TCF7L2: variants seen among roughly 807,000 people sequenced by gnomAD.
TCF7L2 encodes the protein transcription factor 7-like 2.
Under a neutral mutation model 77.9 loss-of-function variants are expected in TCF7L2, and 23 were observed. That is an observed-to-expected ratio of 0.30 (90% CI 0.21 to 0.42). TCF7L2 has a LOEUF of 0.42. TCF7L2 is among the 10% of genes least tolerant of loss of function. TCF7L2 has a pLI of 1.00. For missense variants in TCF7L2, 654 were observed against 793.1 expected (o/e 0.82, Z 2.11); for synonymous variants, 413 against 340.2 (o/e 1.21, Z -2.36).
At chr10:113,072,478 C>A (rs748289802) in intron 5 of TCF7L2, among the ~76,000 whole-genome samples, 8 of 152,188 alleles carry the variant, frequency 5.3e-5, no homozygotes, top group Non-Finnish European at 1.2e-4. Flanking sequence ...CCTCAGCCTC[C>A]TGAGTAGCTG....
At chr10:113,023,210 C>T (rs940003093) in intron 4 of TCF7L2, among the ~76,000 whole-genome samples, 3 of 152,154 alleles carry the variant, frequency 2.0e-5, no homozygotes, top group Admixed American at 6.5e-5. Flanking sequence ...TGGCTTTGTG[C>T]CCCGGTGTCT....
chr10:113,108,511 GA>G (rs2062703474), intron 5 of TCF7L2, among the ~76,000 whole-genome samples: 1 of 152,166 alleles, frequency 6.6e-6, no homozygotes, highest in African/African-American at 2.4e-5. Context: ...TCAGTATTAA[GA>G]AAAGGAGTAG....
intron 5 of TCF7L2, among the ~76,000 whole-genome samples, chr10:113,124,336 C>CA (rs912514500): frequency 1.1e-4 from 16 of 152,182 alleles, no homozygotes; most frequent in African/African-American, 3.6e-4. Flanking sequence ...ATTAGAAGGC[C>CA]AGTAGGGTGG....
At chr10:113,114,031 T>A (rs1010033953) in intron 5 of TCF7L2, among the ~76,000 whole-genome samples, 2 of 152,144 alleles carry the variant, frequency 1.3e-5, no homozygotes, top group African/African-American at 4.8e-5. Context: ...TAAGGCCCCC[T>A]CTAATCCTGT....
chr10:113,091,550 C>G (rs1192383859), intron 5 of TCF7L2, among the ~76,000 whole-genome samples: 1 of 152,110 alleles, frequency 6.6e-6, no homozygotes, highest in East Asian at 1.9e-4. Flanking sequence ...AACCCCGTCT[C>G]TACTAAAAAT....
At chr10:113,055,764 A>G (rs1018350134) in intron 5 of TCF7L2, among the ~76,000 whole-genome samples, 1 of 152,206 alleles carries the variant, frequency 6.6e-6, no homozygotes, top group African/African-American at 2.4e-5. Context: ...TTTGAAAGAA[A>G]GAAGTTTTAA....
intron 4 of TCF7L2, among the ~76,000 whole-genome samples, chr10:112,966,360 T>C (rs138203604): frequency 6.6e-6 from 1 of 151,916 alleles, no homozygotes; most frequent in Non-Finnish European, 1.5e-5. Flanking sequence ...AATTGTTCTT[T>C]TTGGCATGCT....
intron 4 of TCF7L2, among the ~76,000 whole-genome samples, chr10:112,965,054 G>A (rs1286894030): frequency 6.6e-6 from 1 of 152,082 alleles, no homozygotes; most frequent in African/African-American, 2.4e-5. Context: ...GGCTTAAGGG[G>A]AGAGGTGGGA....
chr10:112,995,224 T>C (rs1296547134), intron 4 of TCF7L2, among the ~76,000 whole-genome samples: 3 of 152,184 alleles, frequency 2.0e-5, no homozygotes, highest in East Asian at 1.9e-4. Flanking sequence ...AAGGAAACTT[T>C]GGGATGATTG....
intron 5 of TCF7L2, among the ~76,000 whole-genome samples, chr10:113,051,308 G>A (rs2054441262): frequency 6.6e-6 from 1 of 151,976 alleles, no homozygotes; most frequent in Admixed American, 6.6e-5. Context: ...GGTAAAATGG[G>A]TGAGGCGGAA....
intron 4 of TCF7L2, among the ~76,000 whole-genome samples, chr10:112,980,358 T>G (rs2040247843): frequency 6.6e-6 from 1 of 152,174 alleles, no homozygotes; most frequent in African/African-American, 2.4e-5. Flanking sequence ...CAGAGAGGAA[T>G]TTTTGTCCTT....
chr10:113,116,711 CTT>C (rs966701345), intron 5 of TCF7L2, among the ~76,000 whole-genome samples: 2 of 131,868 alleles, frequency 1.5e-5, no homozygotes, highest in Admixed American at 1.7e-4. Context: ...GTTAAATAGT[CTT>C]TCCTTATAAA....
At chr10:113,023,213 C>T (rs535103274) in intron 4 of TCF7L2, among the ~76,000 whole-genome samples, 45 of 152,244 alleles carry the variant, frequency 3.0e-4, no homozygotes, top group African/African-American at 1.0e-3. Context: ...CTTTGTGCCC[C>T]GGTGTCTGCA....
intron 4 of TCF7L2, among the ~76,000 whole-genome samples, chr10:112,981,309 A>T (rs1304454234): frequency 5.8e-5 from 1 of 17,268 alleles, no homozygotes; most frequent in Non-Finnish European, 1.1e-4. Flanking sequence ...ACCCGTCCTC[A>T]AAAAAAAAAA....
intron 5 of TCF7L2, among the ~76,000 whole-genome samples, chr10:113,063,604 G>A (rs971056811): frequency 6.6e-6 from 1 of 152,096 alleles, no homozygotes; most frequent in Non-Finnish European, 1.5e-5. Flanking sequence ...ACTTGACACC[G>A]GATGGGACAT....
intron 4 of TCF7L2, among the ~76,000 whole-genome samples, chr10:112,967,972 A>G (rs1302606632): frequency 6.6e-6 from 1 of 152,228 alleles, no homozygotes; most frequent in Non-Finnish European, 1.5e-5. Flanking sequence ...CATTGTTTTA[A>G]AATTCTATTG....
chr10:113,114,224 T>G (rs1212229095), intron 5 of TCF7L2, among the ~76,000 whole-genome samples: 1 of 152,220 alleles, frequency 6.6e-6, no homozygotes, highest in African/African-American at 2.4e-5. Context: ...GGCATTTATT[T>G]TGTAGCATTT....
chr10:113,076,829 T>A (rs963140405), intron 5 of TCF7L2, among the ~76,000 whole-genome samples: 2 of 152,216 alleles, frequency 1.3e-5, no homozygotes, highest in African/African-American at 4.8e-5. Flanking sequence ...GAAAATTATA[T>A]GGACACATCT....
At chr10:112,992,726 T>C (rs2135492934) in intron 4 of TCF7L2, among the ~76,000 whole-genome samples, 1 of 151,968 alleles carries the variant, frequency 6.6e-6, no homozygotes, top group Non-Finnish European at 1.5e-5. Context: ...AGACCCCCTC[T>C]GTGACTCCGG....
Sources: gnomAD v4.1 joint callset for allele counts (sites outside exome capture counted in the v4.1 genomes callset) on GRCh38, gnomAD v4.1.1 for gene constraint, MANE v1.5 for transcripts, NCBI Gene and HGNC (gene_info 2026-07-23, HGNC 2026-07-21) for gene names.